RPTOR: variants seen among roughly 807,000 people sequenced by gnomAD.
The protein encoded by RPTOR is regulatory-associated protein of mTOR.
RPTOR carries 21 observed loss-of-function variants against 169.9 expected under a neutral mutation model. The ratio of observed to expected loss-of-function variants is 0.12; its 90% CI spans 0.09 to 0.18. The LOEUF is 0.18. RPTOR is among the 10% of genes least tolerant of loss of function. The pLI is 1.00. For synonymous variants in RPTOR, 732 were observed against 753.2 expected, an observed-to-expected ratio of 0.97 and a Z score of 0.46; for missense variants, 1,133 against 1,855.9, an observed-to-expected ratio of 0.61 and a Z score of 7.16.
At chr17:80,787,082 T>C (rs1036060499) in intron 6 of RPTOR, among the ~76,000 whole-genome samples, 1 of 152,254 alleles carries the variant, frequency 6.6e-6, no homozygotes, top group Non-Finnish European at 1.5e-5. Flanking sequence ...CCCCGCCCTG[T>C]GACCACCGCC....
At chr17:80,798,823 G>A (rs977401380) in intron 7 of RPTOR, among the ~76,000 whole-genome samples, 60 of 152,292 alleles carry the variant, frequency 3.9e-4, no homozygotes, top group Middle Eastern at 3.4e-3. Flanking sequence ...TAATAAAAAC[G>A]TTTGTGCATT....
At chr17:80,791,119 C>T (rs1324956080) in intron 6 of RPTOR, among the ~76,000 whole-genome samples, 2 of 151,576 alleles carry the variant, frequency 1.3e-5, no homozygotes, top group African/African-American at 4.8e-5. Flanking sequence ...GTGGCAGGTC[C>T]AGTCCACTCC....
chr17:80,654,222 G>A (rs764074817), intron 3 of RPTOR, among the ~76,000 whole-genome samples: 8 of 152,228 alleles, frequency 5.3e-5, no homozygotes, highest in East Asian at 3.9e-4. Context: ...CCCCCACCCC[G>A]TGGGGTCTTA....
intron 1 of RPTOR, among the ~76,000 whole-genome samples, chr17:80,591,695 T>C (rs1011293615): frequency 6.6e-6 from 1 of 152,130 alleles, no homozygotes; most frequent in Non-Finnish European, 1.5e-5. Context: ...TCTTGATTAG[T>C]CTTACTAGAG....
intron 4 of RPTOR, among the ~76,000 whole-genome samples, chr17:80,711,317 G>A (rs1050268170): frequency 5.3e-5 from 8 of 152,134 alleles, no homozygotes; most frequent in South Asian, 4.1e-4. Context: ...GAGGATGGAA[G>A]GAACAGTAGG....
chr17:80,963,302 C>A (rs1458269649), intron 33 of RPTOR, among the ~76,000 whole-genome samples: 2 of 152,070 alleles, frequency 1.3e-5, no homozygotes, highest in Non-Finnish European at 2.9e-5. Context: ...GTGGCTGGGG[C>A]AAAGCTCCTG....
intron 1 of RPTOR, among the ~76,000 whole-genome samples, chr17:80,620,499 T>G (rs1386439403): frequency 2.0e-5 from 3 of 152,212 alleles, no homozygotes; most frequent in Non-Finnish European, 4.4e-5. Flanking sequence ...GTGTGGTGGC[T>G]CACACCTATA....
At chr17:80,961,235 C>G in intron 30 of RPTOR, among the ~76,000 whole-genome samples, 159 bp from the exon 31 acceptor site, 1 of 152,222 alleles carries the variant, frequency 6.6e-6, no homozygotes, top group East Asian at 1.9e-4. Context: ...GGAGGGGGCT[C>G]TGACCCTGCG....
chr17:80,773,706 C>A (rs1003642296), intron 6 of RPTOR: 9 of 821,358 alleles, frequency 1.1e-5, no homozygotes, highest in Non-Finnish European at 1.2e-5. Context: ...CTTCCTCTGG[C>A]ACCAGGCCCT....
At chr17:80,828,029 G>A (rs779715883) in intron 9 of RPTOR, among the ~76,000 whole-genome samples, 11 of 152,196 alleles carry the variant, frequency 7.2e-5, no homozygotes, top group African/African-American at 1.2e-4. Context: ...TGGGATGTAC[G>A]TGCATGAGCT....
intron 6 of RPTOR, chr17:80,774,427 A>G (rs1227913122): frequency 1.1e-5 from 10 of 871,734 alleles, no homozygotes; most frequent in Non-Finnish European, 1.4e-5. Context: ...GACTTGTCAA[A>G]GCAGACGTAG....
intron 5 of RPTOR, among the ~76,000 whole-genome samples, chr17:80,733,830 C>T (rs1369538961): frequency 1.3e-5 from 2 of 152,232 alleles, no homozygotes; most frequent in Admixed American, 1.3e-4. Flanking sequence ...TATTGGGTTT[C>T]TTTATACTTT....
chr17:80,869,936 G>A (rs549507918), intron 13 of RPTOR, among the ~76,000 whole-genome samples: 49 of 152,254 alleles, frequency 3.2e-4, no homozygotes, highest in African/African-American at 1.2e-3. Flanking sequence ...CAGGAGATGT[G>A]GCCACAGCTG....
chr17:80,843,714 C>T (rs993152420), intron 10 of RPTOR, among the ~76,000 whole-genome samples: 1 of 152,088 alleles, frequency 6.6e-6, no homozygotes, highest in African/African-American at 2.4e-5. Flanking sequence ...ATTGTCAGGA[C>T]GGAGAGTAGC....
intron 9 of RPTOR, among the ~76,000 whole-genome samples, chr17:80,836,320 G>A (rs2067563806): frequency 1.3e-5 from 2 of 152,248 alleles, no homozygotes; most frequent in Admixed American, 1.3e-4. Context: ...GTGCTTTCCT[G>A]CTCGCCCTCA....
At chr17:80,891,477 G>A (rs1050614412) in intron 17 of RPTOR, among the ~76,000 whole-genome samples, 1 of 152,218 alleles carries the variant, frequency 6.6e-6, no homozygotes, top group East Asian at 1.9e-4. Context: ...TCTAGCAGTG[G>A]GGAGGATTCT....
chr17:80,711,903 C>T (rs1005868650), intron 4 of RPTOR, among the ~76,000 whole-genome samples: 27 of 152,032 alleles, frequency 1.8e-4, no homozygotes, highest in African/African-American at 6.3e-4. Context: ...GCCGCCACGC[C>T]CGGCTAATAT....
chr17:80,625,594 G>T, intron 1 of RPTOR, 97 bp from the exon 2 acceptor site: 1 of 925,680 alleles, frequency 1.1e-6, no homozygotes, highest in Non-Finnish European at 1.7e-6. Context: ...GGTAGGGAAG[G>T]GGCTCAATGT....
At chr17:80,664,577 C>T (rs2065749671) in intron 3 of RPTOR, among the ~76,000 whole-genome samples, 1 of 152,094 alleles carries the variant, frequency 6.6e-6, no homozygotes, top group African/African-American at 2.4e-5. Context: ...TCCTGCCTCT[C>T]TTTCCACCTC....
Sources: allele counts gnomAD v4.1 joint callset (sites outside exome capture counted in the v4.1 genomes callset), GRCh38; gene constraint gnomAD v4.1.1; transcripts MANE v1.5; gene names NCBI Gene and HGNC (gene_info 2026-07-23, HGNC 2026-07-21).